ROBO2: variants seen among roughly 807,000 people sequenced by gnomAD.
ROBO2 encodes the protein roundabout guidance receptor 2.
In ROBO2, 53 loss-of-function variants were observed where a neutral mutation model predicts 160.8. The observed-to-expected ratio is 0.33, with a 90% CI of 0.26 to 0.41. ROBO2 has a LOEUF of 0.41. Among genes scored for constraint, ROBO2 ranks in the 10% least tolerant of loss-of-function variants. ROBO2 has a pLI of 1.00. For missense variants in ROBO2, 1,577 were observed against 1,722.4 expected, an observed-to-expected ratio of 0.92 and a Z score of 1.49; for synonymous variants, 664 against 611.7, an observed-to-expected ratio of 1.09 and a Z score of -1.26.
intron 2 of ROBO2, among the ~76,000 whole-genome samples, chr3:76,236,177 C>A (rs1372221967): frequency 6.6e-6 from 1 of 151,808 alleles, no homozygotes; most frequent in African/African-American, 2.4e-5. Flanking sequence ...ATTTAATTTT[C>A]TATTTATATA....
chr3:77,481,857 G>T (rs2084734760), intron 4 of ROBO2, among the ~76,000 whole-genome samples: 1 of 152,114 alleles, frequency 6.6e-6, no homozygotes, highest in Admixed American at 6.6e-5. Context: ...TAAAGTATTG[G>T]AAAGGAGAAA....
chr3:77,434,420 A>G (rs2079086621), intron 2 of ROBO2, among the ~76,000 whole-genome samples: 1 of 152,160 alleles, frequency 6.6e-6, no homozygotes, highest in Non-Finnish European at 1.5e-5. Context: ...CTAGAAAGAC[A>G]AGAGCTGTAT....
exon 26 of ROBO2, chr3:77,646,093 C>T (rs375052019): frequency 3.6e-5 from 56 of 1,565,940 alleles, no homozygotes; most frequent in Non-Finnish European, 4.6e-5. Flanking sequence ...TCTGAAGGAC[C>T]ATCAGGTCCG....
intron 2 of ROBO2, among the ~76,000 whole-genome samples, chr3:76,348,781 C>T (rs1018182028): frequency 6.6e-6 from 1 of 152,042 alleles, no homozygotes; most frequent in African/African-American, 2.4e-5. Context: ...TCAGCCAAGG[C>T]CGTCTAACCA....
chr3:77,336,989 C>T (rs1243874349), intron 2 of ROBO2, among the ~76,000 whole-genome samples: 1 of 152,098 alleles, frequency 6.6e-6, no homozygotes, highest in Non-Finnish European at 1.5e-5. Flanking sequence ...CAACAAATAT[C>T]TGGAAATAAA....
chr3:76,079,391 T>C (rs1485774524), intron 2 of ROBO2, among the ~76,000 whole-genome samples: 1 of 152,026 alleles, frequency 6.6e-6, no homozygotes, highest in Non-Finnish European at 1.5e-5. Context: ...TATGTGTGTA[T>C]CAAAATATCA....
intron 2 of ROBO2, among the ~76,000 whole-genome samples, chr3:77,319,507 C>T (rs1403373705): frequency 6.6e-6 from 1 of 152,090 alleles, no homozygotes; most frequent in African/African-American, 2.4e-5. Context: ...AGGCCTTTGT[C>T]TGGTCATTAG....
At chr3:77,268,664 C>T (rs1449215181) in intron 2 of ROBO2, among the ~76,000 whole-genome samples, 1 of 152,202 alleles carries the variant, frequency 6.6e-6, no homozygotes, top group Non-Finnish European at 1.5e-5. Context: ...TATGCTTATT[C>T]CCATCACTTG....
At chr3:76,676,209 G>A (rs543349395) in intron 2 of ROBO2, among the ~76,000 whole-genome samples, 154 of 152,008 alleles carry the variant, frequency 1.0e-3, no homozygotes, top group Middle Eastern at 7.0e-3. Flanking sequence ...CCTCTTGGGA[G>A]GTGATTAGAT....
chr3:76,249,642 T>G (rs536658660), intron 2 of ROBO2, among the ~76,000 whole-genome samples: 1 of 152,248 alleles, frequency 6.6e-6, no homozygotes, highest in East Asian at 1.9e-4. Context: ...ATGAGCGTGG[T>G]CACAGTGTGT....
chr3:76,727,570 A>G (rs1052986378), intron 2 of ROBO2, among the ~76,000 whole-genome samples: 2 of 152,218 alleles, frequency 1.3e-5, no homozygotes, highest in African/African-American at 4.8e-5. Flanking sequence ...CAACCATAAA[A>G]AAGAATGAAA....
Position 77,241,505 on chromosome 3 carries a change from C to T in ROBO2, c.388+143165C>T, listed in dbSNP as rs547143373. Among the ~76,000 whole-genome samples the T allele has an allele frequency of 5.3e-5, 8 of 152,300 alleles. No individual in the cohort carries two copies. The South Asian group carries it at 1.7e-3, about 32-fold the overall frequency. ...TTCAGTTTGTGCTCCTTAATGATAA[C>T]ACTATTGTCAATAAAACTTTACACT... On this transcript the variant is annotated intron_variant, in intron 2 of 25. Coordinates refer to ENST00000461745, the Ensembl canonical transcript of ROBO2.
intron 2 of ROBO2, among the ~76,000 whole-genome samples, chr3:77,390,728 TG>T (rs2074638078): frequency 6.6e-6 from 1 of 152,224 alleles, no homozygotes; most frequent in African/African-American, 2.4e-5. Flanking sequence ...TTAAATAGCA[TG>T]TGTGCCACTT....
intron 2 of ROBO2, among the ~76,000 whole-genome samples, chr3:76,622,191 A>AAAGGAAGGAAGGAAGGAAGGAAGGAAGG (rs1163132103): frequency 1.5e-5 from 1 of 65,894 alleles, no homozygotes; most frequent in African/African-American, 6.2e-5. Context: ...TAAAAAAAAG[A>AAAGGAAGGAAGGAAGGAAGGAAGGAAGG]AAGGAAGGAA....
intron 2 of ROBO2, among the ~76,000 whole-genome samples, chr3:76,544,466 G>A (rs2082985099): frequency 6.6e-6 from 1 of 151,954 alleles, no homozygotes. Flanking sequence ...TTAATGTGTT[G>A]TTTAAAAATT....
intron 2 of ROBO2, among the ~76,000 whole-genome samples, chr3:76,024,136 A>C (rs992629863): frequency 6.6e-6 from 1 of 151,532 alleles, no homozygotes; most frequent in African/African-American, 2.4e-5. Flanking sequence ...TTTATTAAGC[A>C]AGAAACAAAT....
chr3:76,713,782 A>T (rs2093337796), intron 2 of ROBO2, among the ~76,000 whole-genome samples: 2 of 152,098 alleles, frequency 1.3e-5, no homozygotes, highest in Admixed American at 1.3e-4. Context: ...TTCTATTTTT[A>T]AGTAGTTTAG....
chr3:76,040,800 C>A (rs915170867), intron 2 of ROBO2, among the ~76,000 whole-genome samples: 3 of 151,884 alleles, frequency 2.0e-5, no homozygotes, highest in African/African-American at 7.3e-5. Context: ...CCAGCCTGGC[C>A]AACATGGAGA....
At chr3:76,738,466 G>C (rs1177102895) in intron 2 of ROBO2, among the ~76,000 whole-genome samples, 4 of 152,134 alleles carry the variant, frequency 2.6e-5, no homozygotes, top group Non-Finnish European at 4.4e-5. Context: ...TTTACTAGAT[G>C]TCAGTTGTAG....
Sources: allele counts gnomAD v4.1 joint callset (sites outside exome capture counted in the v4.1 genomes callset), GRCh38; gene constraint gnomAD v4.1.1; transcripts MANE v1.5; gene names NCBI Gene and HGNC (gene_info 2026-07-23, HGNC 2026-07-21).